Variants in ATF7IP2 observed in about 807,000 individuals in gnomAD.
The protein encoded by ATF7IP2 is activating transcription factor 7 interacting protein 2.
A neutral mutation model predicts 64.2 loss-of-function variants in ATF7IP2; 42 were observed. That is an observed-to-expected ratio of 0.65 (90% CI 0.51 to 0.85). The LOEUF is 0.85. Ranked by LOEUF, ATF7IP2 falls within the 40% of genes least tolerant of loss-of-function variation. The pLI is 0.00. For missense variants in ATF7IP2, 933 were observed against 784.2 expected, an observed-to-expected ratio of 1.19 and a Z score of -2.27; for synonymous variants, 308 against 272.8, an observed-to-expected ratio of 1.13 and a Z score of -1.27.
chr16:10,411,791 T>C (rs192735286), intron 1 of ATF7IP2, among the ~76,000 whole-genome samples: 1 of 152,274 alleles, frequency 6.6e-6, no homozygotes, highest in African/African-American at 2.4e-5. Flanking sequence ...ATCCATCTCC[T>C]CTAGGTTTTC....
At chr16:10,430,081 T>G (rs1466798965) in intron 4 of ATF7IP2, among the ~76,000 whole-genome samples, 1 of 151,916 alleles carries the variant, frequency 6.6e-6, no homozygotes, top group Non-Finnish European at 1.5e-5. Flanking sequence ...CTCGAACCCC[T>G]TACTGCAAAT....
In ATF7IP2 at chr16:10,474,080, A is replaced by T. The variant is rs1028450391; in HGVS notation, c.1549+91A>T. ...GGGTCTACTTATGAAGTTTGTTTTA[A>T]TATGTGAGTGTGCCTATGTTTATAT... On this transcript the variant is annotated intron_variant, in intron 12 of 13. Transcript: ENST00000562102. The T allele has an allele frequency of 1.9e-4, 161 of 827,200 alleles. 1 individual carries two copies. The highest frequency in any genetic ancestry group is 3.1e-4 in the Non-Finnish European group (157 of 511,938). 51.2% of individuals were successfully genotyped at this position (827,200 alleles called of 1,614,324 possible).
At chr16:10,426,335 C>T (rs2048085283) in intron 3 of ATF7IP2, among the ~76,000 whole-genome samples, 2 of 152,218 alleles carry the variant, frequency 1.3e-5, no homozygotes, top group Non-Finnish European at 2.9e-5. Context: ...AATTCAACTT[C>T]ACTGAACGGG....
chr16:10,398,783 T>A (rs2047470697), intron 1 of ATF7IP2, among the ~76,000 whole-genome samples: 1 of 152,100 alleles, frequency 6.6e-6, no homozygotes, highest in Admixed American at 6.6e-5. Flanking sequence ...GAATAGATAC[T>A]GGTCAAAGGA....
chr16:10,417,251 A>G (rs1314746189), intron 2 of ATF7IP2, among the ~76,000 whole-genome samples: 1 of 152,192 alleles, frequency 6.6e-6, no homozygotes, highest in Non-Finnish European at 1.5e-5. Flanking sequence ...TGGAACCTGA[A>G]TGGATGAAAT....
chr16:10,424,055 G>T (rs938515809), intron 3 of ATF7IP2, among the ~76,000 whole-genome samples: 5 of 152,222 alleles, frequency 3.3e-5, no homozygotes, highest in African/African-American at 1.2e-4. Context: ...ATAGATTATA[G>T]TTTAAATCGG....
rs1596622044 is a variant in ATF7IP2, at chr16:10,473,384, T to G, written c.1427-95T>G. On this transcript the variant is annotated intron_variant, in intron 10 of 13. Transcript: ENST00000562102. ...TTTTTATCACTGTATAATTAACAGC[T>G]AATTAGCATCCCTATTATTTTGTTT... is the stretch of plus-strand genomic sequence containing the variant. The G allele has an allele frequency of 1.8e-5, 14 of 766,326 alleles. No homozygotes were observed. The East Asian group carries it at 3.7e-4, about 20-fold the overall frequency. 47.5% of individuals were successfully genotyped at this position (766,326 alleles called of 1,614,324 possible).
At chr16:10,394,714 C>G (rs2047390650) in intron 1 of ATF7IP2, among the ~76,000 whole-genome samples, 1 of 152,002 alleles carries the variant, frequency 6.6e-6, no homozygotes, top group African/African-American at 2.4e-5. Context: ...TAAAAAGAAA[C>G]TTGAGAAATT....
At position 10,482,919 on chromosome 16, in the gene ATF7IP2, G is replaced by C. The variant is rs2050288960; in HGVS notation, c.*670G>C. The stretch of plus-strand genomic sequence containing the variant: ...AGTAGAGATGAGGTTTCACCTTGTT[G>C]GTCAGGCTGGTCTCAAACTCCTGAC... On this transcript the variant is annotated 3_prime_UTR_variant, in exon 14 of 14. Transcript: ENST00000562102. The C allele has an allele frequency of 6.6e-6, 1 of 152,168 alleles. No homozygotes were observed. Among genetic ancestry groups the C allele is most frequent in the Non-Finnish European group, 1.5e-5 (1 of 68,052 alleles). The allele number at this position is 152,168 out of a possible 1,614,324, so 9.4% of individuals were successfully genotyped here.
At chr16:10,452,162 C>T (rs111791934) in intron 8 of ATF7IP2, among the ~76,000 whole-genome samples, 2,768 of 152,280 alleles carry the variant, frequency 0.018, 77 homozygotes, top group African/African-American at 0.062. Context: ...TGGTCTGTTG[C>T]TGGCAAGTAG....
chr16:10,430,243 G>GT (rs895832276), intron 4 of ATF7IP2, among the ~76,000 whole-genome samples: 1 of 152,020 alleles, frequency 6.6e-6, no homozygotes, highest in Non-Finnish European at 1.5e-5. Context: ...ACTTTTTTTT[G>GT]TTTTTATGAA....
At chr16:10,430,565 T>C (rs2048210077) in intron 4 of ATF7IP2, 46 bp from the exon 5 acceptor site, 5 of 1,222,834 alleles carry the variant, frequency 4.1e-6, no homozygotes, top group South Asian at 1.5e-5. Context: ...TAAATAACTT[T>C]TATTCACTAG....
chr16:10,464,870 T>A (rs1388046551), intron 9 of ATF7IP2, among the ~76,000 whole-genome samples: 1 of 152,190 alleles, frequency 6.6e-6, no homozygotes, highest in South Asian at 2.1e-4. Context: ...GCTCTTGTTA[T>A]CCAGGCTGGA....
At chr16:10,421,978 A>G (rs2047996492) in intron 3 of ATF7IP2, among the ~76,000 whole-genome samples, 1 of 152,262 alleles carries the variant, frequency 6.6e-6, no homozygotes, top group Non-Finnish European at 1.5e-5. Context: ...TTTCAGAATC[A>G]TAGCAGGAGA....
intron 1 of ATF7IP2, among the ~76,000 whole-genome samples, chr16:10,405,815 G>C (rs191846440): frequency 1.3e-3 from 194 of 152,274 alleles, no homozygotes; most frequent in African/African-American, 4.4e-3. Flanking sequence ...TGTTGCTGTT[G>C]AGCTGCCAAC....
At chr16:10,406,844 A>T (rs1456366396) in intron 1 of ATF7IP2, among the ~76,000 whole-genome samples, 1 of 151,958 alleles carries the variant, frequency 6.6e-6, no homozygotes, top group Non-Finnish European at 1.5e-5. Flanking sequence ...TTAAAGAAGT[A>T]ATACCAATCC....
chr16:10,395,060 T>G (rs2047396373), intron 1 of ATF7IP2, among the ~76,000 whole-genome samples: 2 of 151,750 alleles, frequency 1.3e-5, no homozygotes, highest in Admixed American at 1.3e-4. Flanking sequence ...TCAAGAAAAT[T>G]AAACATTCAG....
chr16:10,472,149 T>C lies in ATF7IP2; in HGVS notation c.1392T>C (p.Pro464=). Residue 464 remains proline, a synonymous_variant, in exon 10 of 14, where the codon CCT becomes CCC. Coordinates refer to ENST00000562102, the MANE Select transcript of ATF7IP2 (RefSeq NM_001393719.1). ...TTATGTTGATTTCTGTGGAAAGTCC[T>C]AATTTGACAACTCCAATTACATCAA... ...DDVMLISVES[P]NLTTPITSNP... The C allele has an allele frequency of 6.4e-7, 1 of 1,574,448 alleles. No homozygotes were observed. The highest frequency in any genetic ancestry group is 8.7e-7 in the Non-Finnish European group (1 of 1,153,292).
intron 3 of ATF7IP2, among the ~76,000 whole-genome samples, chr16:10,427,303 C>T (rs1158058577): frequency 6.6e-6 from 1 of 152,120 alleles, no homozygotes; most frequent in African/African-American, 2.4e-5. Flanking sequence ...ATTAGGGAAA[C>T]CCAAATTAAG....
Sources: allele counts gnomAD v4.1 joint callset (sites outside exome capture counted in the v4.1 genomes callset), GRCh38; gene constraint gnomAD v4.1.1; transcripts MANE v1.5; gene names NCBI Gene and HGNC (gene_info 2026-07-23, HGNC 2026-07-21).